Variants in INPP4B observed in about 807,000 individuals in gnomAD.
The protein encoded by INPP4B is inositol polyphosphate 4-phosphatase type II.
A neutral mutation model predicts 122.5 loss-of-function variants in INPP4B; 55 were observed. The ratio of observed to expected loss-of-function variants is 0.45; its 90% confidence interval spans 0.36 to 0.56. INPP4B has a LOEUF of 0.56. Ranked by LOEUF, INPP4B falls within the 20% of genes least tolerant of loss-of-function variation. The pLI, the probability that INPP4B is intolerant of heterozygous loss-of-function variation, is 0.00. For synonymous variants in INPP4B, 403 were observed against 388.7 expected, an observed-to-expected ratio of 1.04 and a Z score of -0.43; for missense variants, 1,000 against 1,097.7, an observed-to-expected ratio of 0.91 and a Z score of 1.26.
At chr4:142,403,882 C>A (rs1497400) in intron 6 of INPP4B, among the ~76,000 whole-genome samples, 18,860 of 152,036 alleles carry the variant, frequency 0.12, 1,826 homozygotes, top group East Asian at 0.42. Context: ...AATAGCAAAA[C>A]ATGTTCAAGT....
intron 25 of INPP4B, among the ~76,000 whole-genome samples, chr4:142,068,651 T>C (rs1224004543): frequency 6.6e-6 from 1 of 151,340 alleles, no homozygotes; most frequent in Admixed American, 6.6e-5. Flanking sequence ...ACCAAGCAAA[T>C]GGAAAACAAA....
At chr4:142,498,095 T>TTG (rs745398059) in intron 2 of INPP4B, among the ~76,000 whole-genome samples, 25,531 of 145,548 alleles carry the variant, frequency 0.18, 2,362 homozygotes, top group East Asian at 0.39. Context: ...GCAATGTATT[T>TTG]TGTGTGTGTG....
intron 25 of INPP4B, among the ~76,000 whole-genome samples, chr4:142,071,842 T>G (rs1767576114): frequency 6.6e-6 from 1 of 152,204 alleles, no homozygotes; most frequent in Non-Finnish European, 1.5e-5. Flanking sequence ...AAACAACAGT[T>G]GCTGGAGGGA....
chr4:142,443,562 A>T (rs1812279499), intron 3 of INPP4B, among the ~76,000 whole-genome samples: 1 of 152,094 alleles, frequency 6.6e-6, no homozygotes, highest in South Asian at 2.1e-4. Context: ...AAGACCCAAG[A>T]ACATCGGGCC....
chr4:142,203,901 C>A (rs951314791), intron 14 of INPP4B, among the ~76,000 whole-genome samples: 1 of 151,912 alleles, frequency 6.6e-6, no homozygotes, highest in East Asian at 1.9e-4. Context: ...AGGCTTAGCC[C>A]ATCTTACTTG....
At chr4:142,570,293 C>T (rs575778248) in intron 2 of INPP4B, among the ~76,000 whole-genome samples, 9 of 152,054 alleles carry the variant, frequency 5.9e-5, no homozygotes, top group South Asian at 2.1e-4. Context: ...CCTGAACATT[C>T]ATTTGAAAAT....
At chr4:142,031,285 C>T (rs981403011) in intron 25 of INPP4B, among the ~76,000 whole-genome samples, 7 of 152,134 alleles carry the variant, frequency 4.6e-5, no homozygotes. Flanking sequence ...CTGATTGTGG[C>T]TCAGTCTTAT....
At chr4:142,053,735 T>C (rs1328434853) in intron 25 of INPP4B, among the ~76,000 whole-genome samples, 1 of 152,092 alleles carries the variant, frequency 6.6e-6, no homozygotes, top group East Asian at 1.9e-4. Flanking sequence ...AAGGTGCTAA[T>C]TGCTAACCTC....
intron 2 of INPP4B, among the ~76,000 whole-genome samples, chr4:142,635,528 T>TA (rs1445718356): frequency 6.6e-6 from 1 of 152,110 alleles, no homozygotes; most frequent in Non-Finnish European, 1.5e-5. Flanking sequence ...CATGCAGCCA[T>TA]AAAAAGAACA....
chr4:142,615,150 T>C (rs566332128), intron 2 of INPP4B, among the ~76,000 whole-genome samples: 1 of 152,236 alleles, frequency 6.6e-6, no homozygotes, highest in East Asian at 1.9e-4. Flanking sequence ...TTTTAAAAGG[T>C]TAGTTCTGAG....
intron 8 of INPP4B, 195 bp from the exon 9 acceptor site, chr4:142,305,732 T>C: frequency 7.1e-7 from 1 of 1,404,924 alleles, no homozygotes; most frequent in Non-Finnish European, 9.3e-7. Context: ...TGAAAATGTA[T>C]CATTTTCCCT....
intron 4 of INPP4B, among the ~76,000 whole-genome samples, chr4:142,430,960 A>G (rs552263079): frequency 1.3e-5 from 2 of 152,268 alleles, no homozygotes; most frequent in East Asian, 3.9e-4. Context: ...ACTATCATCT[A>G]TCTTACCCAA....
chr4:142,366,158 C>T (rs552688995), intron 7 of INPP4B, among the ~76,000 whole-genome samples: 15 of 152,098 alleles, frequency 9.9e-5, no homozygotes, highest in South Asian at 8.3e-4. Flanking sequence ...TGTAATTCTC[C>T]CCACACTTCA....
At chr4:142,463,371 G>A (rs914080419) in intron 2 of INPP4B, among the ~76,000 whole-genome samples, 8 of 152,158 alleles carry the variant, frequency 5.3e-5, no homozygotes, top group Non-Finnish European at 1.0e-4. Context: ...AAGCTTGGCC[G>A]AGTTTCCCTG....
chr4:142,780,665 G>C (rs2151025586), intron 1 of INPP4B, among the ~76,000 whole-genome samples: 1 of 152,186 alleles, frequency 6.6e-6, no homozygotes, highest in East Asian at 1.9e-4. Flanking sequence ...CAGGCATGGT[G>C]GTGGATACCT....
At chr4:142,085,657 A>G (rs924745081) in intron 24 of INPP4B, among the ~76,000 whole-genome samples, 2 of 152,222 alleles carry the variant, frequency 1.3e-5, no homozygotes, top group African/African-American at 2.4e-5. Flanking sequence ...CATTACCCCA[A>G]GAGCAATCCA....
At chr4:142,366,742 A>C (rs1183206008) in intron 7 of INPP4B, among the ~76,000 whole-genome samples, 12 of 152,156 alleles carry the variant, frequency 7.9e-5, no homozygotes, top group African/African-American at 2.9e-4. Context: ...TAAATAAGAC[A>C]TAGTCAATAA....
At chr4:142,150,429 G>A (rs942974616) in intron 17 of INPP4B, among the ~76,000 whole-genome samples, 8 of 152,162 alleles carry the variant, frequency 5.3e-5, no homozygotes, top group African/African-American at 1.9e-4. Flanking sequence ...ATCTTGCTAG[G>A]TCCCCTACTG....
At chr4:142,212,228 T>C (rs1042517786) in intron 12 of INPP4B, among the ~76,000 whole-genome samples, 1 of 152,100 alleles carries the variant, frequency 6.6e-6, no homozygotes, top group South Asian at 2.1e-4. Flanking sequence ...TTTAGAGTGA[T>C]GGCAATGTGC....
Sources: gnomAD v4.1 joint callset for allele counts (sites outside exome capture counted in the v4.1 genomes callset) on GRCh38, gnomAD v4.1.1 for gene constraint, MANE v1.5 for transcripts, NCBI Gene and HGNC (gene_info 2026-07-23, HGNC 2026-07-21) for gene names.